Variants in GPC6 observed in about 807,000 individuals in gnomAD.
GPC6 encodes glypican-6.
In GPC6, 14 loss-of-function variants were observed where a neutral mutation model predicts 55.2. The ratio of observed to expected loss-of-function variants is 0.25; its 90% CI spans 0.17 to 0.40. The LOEUF is 0.40. Among genes scored for constraint, GPC6 ranks in the 10% least tolerant of loss-of-function variants. The pLI, the probability that GPC6 is intolerant of heterozygous loss-of-function variation, is 1.00. For synonymous variants in GPC6, 278 were observed against 259.6 expected (o/e 1.07, Z -0.68); for missense variants, 641 against 708.5 (o/e 0.90, Z 1.08).
At chr13:94,111,073 T>C (rs1164169575) in intron 4 of GPC6, among the ~76,000 whole-genome samples, 1 of 152,118 alleles carries the variant, frequency 6.6e-6, no homozygotes, top group Non-Finnish European at 1.5e-5. Context: ...ATTTCCCTGA[T>C]TGCTGATAAA....
At chr13:94,385,239 CAAA>C (rs35550666) in intron 7 of GPC6, among the ~76,000 whole-genome samples, 3 of 126,052 alleles carry the variant, frequency 2.4e-5, no homozygotes, top group Non-Finnish European at 5.1e-5. Flanking sequence ...GACTCCATCT[CAAA>C]AAAAAAAAAA....
chr13:93,510,182 A>G (rs938791418), intron 1 of GPC6, among the ~76,000 whole-genome samples: 3 of 152,092 alleles, frequency 2.0e-5, no homozygotes, highest in Admixed American at 6.5e-5. Flanking sequence ...AAGGCAGGAT[A>G]TTTAGGATGT....
intron 6 of GPC6, among the ~76,000 whole-genome samples, chr13:94,335,034 C>T (rs1353586715): frequency 6.6e-6 from 1 of 152,168 alleles, no homozygotes; most frequent in African/African-American, 2.4e-5. Flanking sequence ...AGTTATTACT[C>T]ATGGGCTTGG....
At chr13:93,741,305 C>T (rs1008529596) in intron 2 of GPC6, among the ~76,000 whole-genome samples, 2 of 151,516 alleles carry the variant, frequency 1.3e-5, no homozygotes, top group African/African-American at 2.4e-5. Flanking sequence ...TTAGTAGAGA[C>T]GGGGTTTCAC....
intron 1 of GPC6, among the ~76,000 whole-genome samples, chr13:93,393,154 AGAG>A (rs1875708070): frequency 7.2e-6 from 1 of 139,846 alleles, no homozygotes; most frequent in Admixed American, 7.2e-5. Context: ...AGAGAGAGAG[AGAG>A]AGTGAGAGTC....
intron 2 of GPC6, among the ~76,000 whole-genome samples, chr13:93,692,589 G>C (rs933982298): frequency 6.6e-6 from 1 of 151,938 alleles, no homozygotes; most frequent in East Asian, 1.9e-4. Flanking sequence ...TAACATTATG[G>C]ATCATTAGAA....
At chr13:93,944,657 G>T (rs1403680275) in intron 3 of GPC6, among the ~76,000 whole-genome samples, 1 of 152,164 alleles carries the variant, frequency 6.6e-6, no homozygotes, top group Non-Finnish European at 1.5e-5. Flanking sequence ...GTATAAATAT[G>T]ATGTTTACCT....
intron 2 of GPC6, among the ~76,000 whole-genome samples, chr13:93,555,718 TCACA>T (rs375537172): frequency 6.6e-6 from 1 of 152,106 alleles, no homozygotes; most frequent in Non-Finnish European, 1.5e-5. Flanking sequence ...ATATGCACAG[TCACA>T]CACACAGGCG....
chr13:94,257,300 C>G (rs1477628299), intron 4 of GPC6, among the ~76,000 whole-genome samples: 1 of 152,212 alleles, frequency 6.6e-6, no homozygotes, highest in Non-Finnish European at 1.5e-5. Context: ...GCACACAGAA[C>G]AGGGAGCTAT....
At chr13:94,185,390 C>T (rs1594034644) in intron 4 of GPC6, among the ~76,000 whole-genome samples, 1 of 152,046 alleles carries the variant, frequency 6.6e-6, no homozygotes, top group East Asian at 1.9e-4. Flanking sequence ...TTAGGGTTAT[C>T]ACCATAGTGT....
At chr13:93,295,875 A>AT (rs973042085) in intron 1 of GPC6, among the ~76,000 whole-genome samples, 13 of 151,140 alleles carry the variant, frequency 8.6e-5, no homozygotes, top group South Asian at 2.1e-4. Context: ...TGGCCGGCTA[A>AT]TTTTTTTTTG....
rs1224728711 is a variant in GPC6, at chr13:94,104,477, A to C, written c.877+76583A>C. 3.9e-5 allele frequency among the ~76,000 whole-genome samples: 6 copies of C among 152,196 alleles called. 1 individual carries two copies. The highest frequency in any genetic ancestry group is 3.9e-4 in the Admixed American group (6 of 15,274). ...GTTGGAAGTTCTGGCCAGGGCAATT[A>C]GGCAGGAGAAAGAAATAAAGGGTAT... On this transcript the variant is annotated intron_variant, in intron 4 of 8. Coordinates refer to ENST00000377047, the MANE Select transcript of GPC6 (RefSeq NM_005708.5).
chr13:93,556,436 T>TG (rs34421775), intron 2 of GPC6, among the ~76,000 whole-genome samples: 1 of 131,514 alleles, frequency 7.6e-6, no homozygotes, highest in South Asian at 2.7e-4. Flanking sequence ...ATATATATTT[T>TG]GGGGGTACAT....
intron 3 of GPC6, among the ~76,000 whole-genome samples, chr13:93,937,430 TCTGGGACATAA>T (rs947761787): frequency 6.6e-6 from 1 of 152,206 alleles, no homozygotes; most frequent in Non-Finnish European, 1.5e-5. Context: ...AGGAATGTCT[TCTGGGACATAA>T]CTGGGACATA....
intron 2 of GPC6, among the ~76,000 whole-genome samples, chr13:93,555,348 A>G (rs1371942949): frequency 6.6e-6 from 1 of 152,102 alleles, no homozygotes; most frequent in Non-Finnish European, 1.5e-5. Context: ...TCCTCTTTCT[A>G]TTTTATCTTC....
At position 93,366,370 on chromosome 13, in the gene GPC6, C is replaced by T. The variant is rs191766210; in HGVS notation, c.160+138754C>T. 2.2e-3 allele frequency among the ~76,000 whole-genome samples: 331 copies of T among 152,168 alleles called. 1 individual carries two copies. The highest frequency in any genetic ancestry group is 3.4e-3 in the Non-Finnish European group (232 of 67,972). ...TGGAGCAGCATGTCATCAACAATGA[C>T]ATTTCCAAACCTGATGTTACTGATA... On this transcript the variant is annotated intron_variant, in intron 1 of 8. Transcript: ENST00000377047.
chr13:94,051,426 G>C lies in GPC6; in HGVS notation c.877+23532G>C, dbSNP rs529946241. Among the ~76,000 whole-genome samples, 4 of 152,184 alleles carry C rather than the reference G, an allele frequency of 2.6e-5. No homozygotes were observed. In the East Asian group the frequency reaches 5.8e-4, roughly 22 times the overall value. ...CTTGGCAGGCTGTTTTGCATCACAA[G>C]CTTCCACATGCATCTAAGGCATATA... On this transcript the variant is annotated intron_variant, in intron 4 of 8. Coordinates refer to ENST00000377047, the MANE Select transcript of GPC6 (RefSeq NM_005708.5).
intron 2 of GPC6, among the ~76,000 whole-genome samples, chr13:93,563,930 A>T (rs976312519): frequency 6.6e-6 from 1 of 152,120 alleles, no homozygotes; most frequent in African/African-American, 2.4e-5. Context: ...GTGTTTGGTT[A>T]CATGAATAAG....
chr13:94,230,172 T>C (rs1042022103), intron 4 of GPC6, among the ~76,000 whole-genome samples: 2 of 152,112 alleles, frequency 1.3e-5, no homozygotes, highest in East Asian at 3.9e-4. Flanking sequence ...CAAGTTACCA[T>C]ATGTAAAGAC....
Sources: gnomAD v4.1 joint callset for allele counts (sites outside exome capture counted in the v4.1 genomes callset) on GRCh38, gnomAD v4.1.1 for gene constraint, MANE v1.5 for transcripts, NCBI Gene and HGNC (gene_info 2026-07-23, HGNC 2026-07-21) for gene names.